Variants in CPS1 observed in about 807,000 individuals in gnomAD.
CPS1 encodes the protein carbamoyl-phosphate synthase [ammonia], mitochondrial.
Under a neutral mutation model 174.6 loss-of-function variants are expected in CPS1, and 109 were observed. The ratio of observed to expected loss-of-function variants is 0.62; its 90% CI spans 0.53 to 0.73. The LOEUF (loss-of-function observed/expected upper bound fraction) is 0.73. Ranked by LOEUF, CPS1 falls within the 30% of genes least tolerant of loss-of-function variation. CPS1 has a pLI of 0.00. For synonymous variants in CPS1, 637 were observed against 632.0 expected (o/e 1.01, Z -0.12); for missense variants, 1,689 against 1,821.9 (o/e 0.93, Z 1.33).
At chr2:210,479,027 C>T (rs541084703) in intron 1 of CPS1, among the ~76,000 whole-genome samples, 1 of 151,132 alleles carries the variant, frequency 6.6e-6, no homozygotes, top group African/African-American at 2.4e-5. Context: ...GGTTCTGATA[C>T]AAAAGAAAAG....
intron 1 of CPS1, among the ~76,000 whole-genome samples, chr2:210,564,401 A>C (rs186890022): frequency 0.015 from 2,213 of 151,406 alleles, 51 homozygotes; most frequent in African/African-American, 0.051. Flanking sequence ...TTTGAGATGG[A>C]GTCTCGCTCT....
rs369748670 is a variant in CPS1 at position 210,602,317 on chromosome 2, A to G, written c.1823A>G (p.Asp608Gly). The change falls in exon 16 of 38, where the codon GAC becomes GGC. Residue 608 changes from aspartate (D) to glycine (G), a missense_variant. Transcript: ENST00000233072. Reference sequence around the variant, plus strand: ...TGTCCCAACAGAGAGACTTTGATGGACCTCAGCACAAAGGTATGTATTTTT... The same window carrying G: ...TGTCCCAACAGAGAGACTTTGATGGGCCTCAGCACAAAGGTATGTATTTTT... ...GICPNRETLMDLSTKAFAMTN... is the reference protein window; with the variant it reads ...GICPNRETLMGLSTKAFAMTN... 6 of 1,612,458 alleles carry G rather than the reference A, an allele frequency of 3.7e-6. No individual in the cohort carries two copies. In the African/African-American group the frequency reaches 5.3e-5, roughly 14 times the overall value.
intron 1 of CPS1, among the ~76,000 whole-genome samples, chr2:210,547,097 C>G (rs1266663663): frequency 6.6e-6 from 1 of 152,004 alleles, no homozygotes; most frequent in East Asian, 1.9e-4. Context: ...CTGCCCCACA[C>G]CATTGTGTTT....
chr2:210,600,954 C>T (rs1698704592), intron 15 of CPS1, among the ~76,000 whole-genome samples: 1 of 151,902 alleles, frequency 6.6e-6, no homozygotes, highest in African/African-American at 2.4e-5. Context: ...TTTATCAAGG[C>T]TTGAAGTGCC....
upstream of CPS1, chr2:210,556,591 G>C: frequency 6.7e-7 from 1 of 1,490,316 alleles, no homozygotes; most frequent in South Asian, 1.4e-5. Context: ...CAGAATGAAT[G>C]GAAATTCAAA....
intron 1 of CPS1, among the ~76,000 whole-genome samples, chr2:210,536,709 A>G (rs1574501226): frequency 6.6e-6 from 1 of 152,214 alleles, no homozygotes; most frequent in East Asian, 1.9e-4. Flanking sequence ...CACTGGAACT[A>G]CAAATACCAA....
At chr2:210,528,275 G>A (rs78886907) in intron 1 of CPS1, among the ~76,000 whole-genome samples, 227 of 151,582 alleles carry the variant, frequency 1.5e-3, no homozygotes, top group African/African-American at 5.2e-3. Flanking sequence ...TGATCCAATT[G>A]CAGTCTCTCT....
chr2:210,525,311 T>C (rs572007219), intron 1 of CPS1, among the ~76,000 whole-genome samples: 1 of 152,052 alleles, frequency 6.6e-6, no homozygotes, highest in African/African-American at 2.4e-5. Context: ...CCTCAGACAA[T>C]TAACTTATCT....
chr2:210,597,582 G>A (rs1698529185), intron 13 of CPS1, among the ~76,000 whole-genome samples: 1 of 151,658 alleles, frequency 6.6e-6, no homozygotes, highest in Admixed American at 6.6e-5. Flanking sequence ...GATATGTGGG[G>A]TTTTCAATAA....
intron 1 of CPS1, among the ~76,000 whole-genome samples, chr2:210,539,311 T>G (rs2250976): frequency 0.47 from 71,053 of 152,038 alleles, 17,347 homozygotes; most frequent in African/African-American, 0.6. Flanking sequence ...CTTTTCATCT[T>G]CTGCAAAATA....
chr2:210,482,774 A>G (rs2105942116), intron 1 of CPS1, among the ~76,000 whole-genome samples: 1 of 152,336 alleles, frequency 6.6e-6, no homozygotes, highest in East Asian at 1.9e-4. Context: ...CCATCAATTT[A>G]CATTTGTTAT....
chr2:210,567,598 T>C (rs1401007567), intron 1 of CPS1, among the ~76,000 whole-genome samples: 1 of 152,168 alleles, frequency 6.6e-6, no homozygotes, highest in African/African-American at 2.4e-5. Context: ...GAGGATTAGA[T>C]TTCTACATAA....
intron 1 of CPS1, among the ~76,000 whole-genome samples, chr2:210,550,866 C>G (rs758130820): frequency 1.3e-5 from 2 of 151,718 alleles, no homozygotes; most frequent in Non-Finnish European, 2.9e-5. Context: ...GCTTAGGACT[C>G]CTATGTGACA....
In CPS1 at chr2:210,590,883, C is replaced by A; in HGVS notation, c.924C>A (p.Thr308=). The part of the protein sequence containing the change: ...LITGLAAGAK[T]YKMSMANRGQ... The stretch of plus-strand genomic sequence containing the variant: ...CAGGATTGGCTGCTGGTGCCAAAAC[C>A]TACAAGATGTCCATGGCCAACAGGT... The change falls in exon 9 of 38, where the codon ACC becomes ACA. Residue 308 remains threonine (T), a synonymous_variant. Transcript: ENST00000233072. 1 of 1,611,260 alleles carries A rather than the reference C, an allele frequency of 6.2e-7. No homozygotes were observed. The highest frequency in any genetic ancestry group is 8.5e-7 in the Non-Finnish European group (1 of 1,178,218).
chr2:210,590,773 G>A, intron 8 of CPS1, 27 bp from the exon 9 acceptor site: 1 of 1,573,146 alleles, frequency 6.4e-7, no homozygotes, highest in Non-Finnish European at 8.7e-7. Context: ...TGTACTAATT[G>A]GTTAATAAAA....
intron 29 of CPS1, among the ~76,000 whole-genome samples, chr2:210,656,015 TA>T (rs926232627): frequency 2.0e-5 from 3 of 152,168 alleles, no homozygotes; most frequent in Non-Finnish European, 4.4e-5. Context: ...TCCTTACTTC[TA>T]AAAAAGGACT....
intron 21 of CPS1, chr2:210,617,765 T>C (rs998366336): frequency 1.3e-5 from 2 of 152,044 alleles, no homozygotes; most frequent in African/African-American, 4.8e-5. Flanking sequence ...AATTTAGGAA[T>C]TGAACCTATA....
intron 1 of CPS1, among the ~76,000 whole-genome samples, chr2:210,535,640 T>C (rs1421127545): frequency 6.6e-6 from 1 of 151,980 alleles, no homozygotes; most frequent in Non-Finnish European, 1.5e-5. Context: ...GTATTTACCA[T>C]CTCCTCTGGA....
intron 7 of CPS1, 67 bp from the exon 8 acceptor site, chr2:210,590,039 C>G (rs1698235074): frequency 6.3e-7 from 1 of 1,594,302 alleles, no homozygotes; most frequent in African/African-American, 1.3e-5. Context: ...AAGAGAAAGT[C>G]TAGCAAAATT....
Sources: gnomAD v4.1 joint callset for allele counts (sites outside exome capture counted in the v4.1 genomes callset) on GRCh38, gnomAD v4.1.1 for gene constraint, MANE v1.5 for transcripts, NCBI Gene and HGNC (gene_info 2026-07-23, HGNC 2026-07-21) for gene names.